Variants in NCOA2 observed in about 807,000 individuals in gnomAD.
NCOA2 encodes the protein nuclear receptor coactivator 2.
NCOA2 carries 21 observed loss-of-function variants against 145.1 expected under a neutral mutation model. The ratio of observed to expected loss-of-function variants is 0.14; its 90% CI spans 0.10 to 0.21. The LOEUF is 0.21. NCOA2 is among the 10% of genes least tolerant of loss of function. The probability of loss-of-function intolerance (pLI) is 1.00; values close to 1 mark genes in which losing one functional copy is unlikely to be tolerated. For missense variants in NCOA2, 1,472 were observed against 1,837.6 expected, an observed-to-expected ratio of 0.80 and a Z score of 3.64; for synonymous variants, 619 against 637.5, an observed-to-expected ratio of 0.97 and a Z score of 0.44.
chr8:70,294,104 T>G (rs1298663208), intron 2 of NCOA2, among the ~76,000 whole-genome samples: 1 of 152,152 alleles, frequency 6.6e-6, no homozygotes. Flanking sequence ...TATGTCCTAC[T>G]CAGCTTTGAA....
At chr8:70,227,377 GAC>G (rs1256654266) in intron 2 of NCOA2, among the ~76,000 whole-genome samples, 1 of 152,224 alleles carries the variant, frequency 6.6e-6, no homozygotes, top group Non-Finnish European at 1.5e-5. Context: ...AGAAATAAGG[GAC>G]ACAGTTATAG....
At chr8:70,335,122 C>CAAAAAAAAAAAAAAAA (rs59460365) in intron 1 of NCOA2, among the ~76,000 whole-genome samples, 1 of 29,466 alleles carries the variant, frequency 3.4e-5, no homozygotes, top group Non-Finnish European at 6.5e-5. Flanking sequence ...GACTCCATCT[C>CAAAAAAAAAAAAAAAA]AAAAAAAAAA....
intron 1 of NCOA2, among the ~76,000 whole-genome samples, chr8:70,399,192 A>G (rs1161637352): frequency 6.6e-6 from 1 of 152,248 alleles, no homozygotes; most frequent in African/African-American, 2.4e-5. Flanking sequence ...TACTTGTAAT[A>G]GACTTTAGAG....
chr8:70,181,151 G>T (rs1246627853), intron 4 of NCOA2, among the ~76,000 whole-genome samples: 2 of 152,160 alleles, frequency 1.3e-5, no homozygotes, highest in Non-Finnish European at 2.9e-5. Context: ...AGCATTACCA[G>T]AACAGAGTTC....
At chr8:70,173,768 C>T (rs186784272) in intron 5 of NCOA2, among the ~76,000 whole-genome samples, 44 of 151,914 alleles carry the variant, frequency 2.9e-4, no homozygotes, top group Admixed American at 2.0e-3. Context: ...ATTGTGTGCC[C>T]CCCCTCCGCC....
At chr8:70,169,166 TAGTG>T (rs946002416) in intron 6 of NCOA2, among the ~76,000 whole-genome samples, 21 of 152,156 alleles carry the variant, frequency 1.4e-4, no homozygotes, top group African/African-American at 5.1e-4. Flanking sequence ...AAGAATCACT[TAGTG>T]AGTGGGAACA....
intron 1 of NCOA2, among the ~76,000 whole-genome samples, chr8:70,352,272 G>GA (rs1300182506): frequency 2.6e-5 from 4 of 151,974 alleles, no homozygotes; most frequent in African/African-American, 9.7e-5. Flanking sequence ...TTTAAATGAG[G>GA]AATTTGAAGC....
In NCOA2 at chr8:70,237,342, C is replaced by T. The variant is rs561557284; in HGVS notation, c.-19-20578G>A. ...TGTACTCTTTACCTCTAGGACACTG[C>T]CTCATTATTTGATGCACTGCTACTC... On this transcript the variant is annotated intron_variant, in intron 2 of 22. Transcript: ENST00000452400. Among the ~76,000 whole-genome samples, 5 of 152,256 alleles carry T rather than the reference C, an allele frequency of 3.3e-5. No homozygotes were observed. In the East Asian group the frequency reaches 7.7e-4, roughly 23 times the overall value.
chr8:70,424,651 A>C, the NCOA2 span: 1 of 338,774 alleles, frequency 3.0e-6, no homozygotes, highest in Non-Finnish European at 6.0e-6. Context: ...CAGATCGTGA[A>C]TATTTTAGCC....
intron 18 of NCOA2, among the ~76,000 whole-genome samples, chr8:70,127,396 T>C (rs1428140352): frequency 3.3e-5 from 5 of 152,210 alleles, no homozygotes; most frequent in African/African-American, 1.2e-4. Flanking sequence ...GATGGTAGTT[T>C]AGAGTCTCAT....
At chr8:70,164,266 A>G (rs552144038) in intron 7 of NCOA2, among the ~76,000 whole-genome samples, 140 of 152,218 alleles carry the variant, frequency 9.2e-4, no homozygotes, top group Middle Eastern at 3.4e-3. Flanking sequence ...GTCAGGGTTC[A>G]TTTCTGGAGG....
intron 4 of NCOA2, among the ~76,000 whole-genome samples, chr8:70,209,103 A>C (rs1010522447): frequency 6.6e-6 from 1 of 152,226 alleles, no homozygotes; most frequent in Admixed American, 6.5e-5. Flanking sequence ...CAACATTAAC[A>C]GGAATTTGGA....
chr8:70,375,938 G>A (rs947456602), intron 1 of NCOA2, among the ~76,000 whole-genome samples: 12 of 152,034 alleles, frequency 7.9e-5, no homozygotes. Context: ...TTTATCCCCT[G>A]ACAATAAGAG....
At chr8:70,409,123 T>A in the NCOA2 span, among the ~76,000 whole-genome samples, 2 of 152,130 alleles carry the variant, frequency 1.3e-5, no homozygotes, top group Non-Finnish European at 2.9e-5. Flanking sequence ...TATTAACATG[T>A]CAACACTTAG....
chr8:70,194,371 T>C (rs1394712842), intron 4 of NCOA2, among the ~76,000 whole-genome samples: 3 of 152,214 alleles, frequency 2.0e-5, no homozygotes, highest in African/African-American at 7.2e-5. Flanking sequence ...TAATGAATAC[T>C]GGGGTGGTCA....
At chr8:70,195,322 G>C (rs1362009275) in intron 4 of NCOA2, among the ~76,000 whole-genome samples, 1 of 152,168 alleles carries the variant, frequency 6.6e-6, no homozygotes, top group Non-Finnish European at 1.5e-5. Context: ...TATTTACATA[G>C]AATGAGAAAA....
chr8:70,159,242 A>ATATATATATATATATTTTT, intron 10 of NCOA2, among the ~76,000 whole-genome samples: 3 of 61,076 alleles, frequency 4.9e-5, no homozygotes, highest in African/African-American at 1.6e-4. Context: ...ATATATATAT[A>ATATATATATATATATTTTT]TTTTTTTTTT....
chr8:70,236,122 T>C (rs1166051161), intron 2 of NCOA2, among the ~76,000 whole-genome samples: 1 of 152,190 alleles, frequency 6.6e-6, no homozygotes, highest in African/African-American at 2.4e-5. Flanking sequence ...ACTTCTGTAT[T>C]CTTGTCAAAT....
Position 70,366,288 on chromosome 8 carries a change from G to C in NCOA2, c.-77+37412C>G, listed in dbSNP as rs1251761290. On this transcript the variant is annotated intron_variant, in intron 1 of 22. Coordinates refer to ENST00000452400, the MANE Select transcript of NCOA2 (RefSeq NM_006540.4). ...ATTTGAGAAAAGGACACAGACTGAT[G>C]AAAGTATGTTCTCAACTGTTAAAAG... Among the ~76,000 whole-genome samples the C allele has an allele frequency of 3.3e-5, 5 of 152,106 alleles. No individual in the cohort carries two copies. In the East Asian group the frequency reaches 5.8e-4, roughly 18 times the overall value.
Sources: allele counts gnomAD v4.1 joint callset (sites outside exome capture counted in the v4.1 genomes callset), GRCh38; gene constraint gnomAD v4.1.1; transcripts MANE v1.5; gene names NCBI Gene and HGNC (gene_info 2026-07-23, HGNC 2026-07-21).